SGCZ: variants seen among roughly 807,000 people sequenced by gnomAD.
SGCZ encodes the protein sarcoglycan zeta.
A neutral mutation model predicts 41.3 loss-of-function variants in SGCZ; 40 were observed. The observed-to-expected ratio is 0.97, with a 90% CI of 0.75 to 1.26. SGCZ has a LOEUF of 1.26. Among genes scored for constraint, SGCZ ranks in the 50% most tolerant of loss-of-function variants. The pLI is 0.00. For synonymous variants in SGCZ, 206 were observed against 137.5 expected (o/e 1.50, Z -3.49); for missense variants, 552 against 369.8 (o/e 1.49, Z -4.04).
chr8:14,182,916 A>G (rs923249987), intron 4 of SGCZ, among the ~76,000 whole-genome samples: 29 of 151,558 alleles, frequency 1.9e-4, no homozygotes, highest in African/African-American at 6.8e-4. Context: ...AGGCTGAGAC[A>G]GGAGAATCGC....
At chr8:14,245,723 A>T (rs185921174) in intron 3 of SGCZ, among the ~76,000 whole-genome samples, 14 of 152,246 alleles carry the variant, frequency 9.2e-5, no homozygotes, top group Admixed American at 2.6e-4. Flanking sequence ...ATCCAGAATC[A>T]ACAATGAACT....
At chr8:15,005,550 C>G (rs192288832) in intron 1 of SGCZ, among the ~76,000 whole-genome samples, 1 of 130,482 alleles carries the variant, frequency 7.7e-6, no homozygotes, top group Non-Finnish European at 1.7e-5. Context: ...AGGCTGGTCT[C>G]GAACTCCTGA....
At chr8:14,197,161 G>C (rs1402837359) in intron 4 of SGCZ, among the ~76,000 whole-genome samples, 1 of 152,042 alleles carries the variant, frequency 6.6e-6, no homozygotes, top group African/African-American at 2.4e-5. Flanking sequence ...GAAAGTGAAG[G>C]TCCGGATGGC....
chr8:14,840,157 T>G (rs2130624348), intron 1 of SGCZ, among the ~76,000 whole-genome samples: 1 of 152,240 alleles, frequency 6.6e-6, no homozygotes, highest in Non-Finnish European at 1.5e-5. Flanking sequence ...TGAATGTAAT[T>G]ATCTGCTTAA....
intron 4 of SGCZ, among the ~76,000 whole-genome samples, chr8:14,168,391 G>A (rs886187132): frequency 2.6e-5 from 4 of 152,068 alleles, no homozygotes; most frequent in Non-Finnish European, 4.4e-5. Context: ...ATATTGAATT[G>A]TAGCTCCCAC....
At chr8:14,735,197 T>C (rs1798990406) in intron 1 of SGCZ, among the ~76,000 whole-genome samples, 1 of 152,182 alleles carries the variant, frequency 6.6e-6, no homozygotes, top group African/African-American at 2.4e-5. Context: ...ATGGTCAATA[T>C]TAGGTGTCAA....
At chr8:14,639,501 G>A (rs537335294) in intron 1 of SGCZ, among the ~76,000 whole-genome samples, 5 of 151,608 alleles carry the variant, frequency 3.3e-5, no homozygotes, top group African/African-American at 7.2e-5. Flanking sequence ...TTCTTTCTTC[G>A]GAAAATCAGT....
intron 2 of SGCZ, among the ~76,000 whole-genome samples, chr8:14,497,562 G>T (rs1431940644): frequency 9.9e-6 from 1 of 100,512 alleles, no homozygotes; most frequent in Non-Finnish European, 2.7e-5. Flanking sequence ...GTGTGCGTAT[G>T]TGTGTGTGTG....
intron 1 of SGCZ, among the ~76,000 whole-genome samples, chr8:15,130,888 T>C (rs1307647005): frequency 1.3e-5 from 2 of 152,174 alleles, no homozygotes; most frequent in Admixed American, 6.5e-5. Context: ...TTTCACAATA[T>C]TCTTAACACA....
At chr8:14,759,822 C>A (rs972513111) in intron 1 of SGCZ, among the ~76,000 whole-genome samples, 12 of 152,134 alleles carry the variant, frequency 7.9e-5, no homozygotes, top group African/African-American at 2.9e-4. Flanking sequence ...TGCCTTCACA[C>A]AACTAGATCA....
chr8:15,027,099 C>T (rs1352932410), intron 1 of SGCZ, among the ~76,000 whole-genome samples: 1 of 152,132 alleles, frequency 6.6e-6, no homozygotes, highest in Non-Finnish European at 1.5e-5. Flanking sequence ...ACAAATATGG[C>T]AGCTTTCTCA....
At chr8:15,215,603 G>C (rs2117170631) in intron 1 of SGCZ, among the ~76,000 whole-genome samples, 1 of 152,252 alleles carries the variant, frequency 6.6e-6, no homozygotes, top group African/African-American at 2.4e-5. Context: ...GTTGCTGTGG[G>C]CTATTTTTAG....
intron 1 of SGCZ, among the ~76,000 whole-genome samples, chr8:15,146,651 A>G (rs979740012): frequency 6.6e-6 from 1 of 152,266 alleles, no homozygotes; most frequent in South Asian, 2.1e-4. Flanking sequence ...GAAATCTCAC[A>G]GTTGAAAGTA....
intron 2 of SGCZ, among the ~76,000 whole-genome samples, chr8:14,449,856 G>A (rs1800541489): frequency 6.6e-6 from 1 of 152,120 alleles, no homozygotes; most frequent in African/African-American, 2.4e-5. Flanking sequence ...AGATGAATTA[G>A]TATTGGATTC....
chr8:14,963,429 C>T (rs766523987), intron 1 of SGCZ, among the ~76,000 whole-genome samples: 22 of 151,892 alleles, frequency 1.4e-4, no homozygotes, highest in Non-Finnish European at 2.2e-4. Flanking sequence ...TCCTGCGCCT[C>T]CCGGGTTCAA....
intron 1 of SGCZ, among the ~76,000 whole-genome samples, chr8:14,899,330 C>A (rs73666930): frequency 0.024 from 3,638 of 152,120 alleles, 145 homozygotes; most frequent in African/African-American, 0.084. Context: ...TCCATCTGTC[C>A]AATATTTGTA....
At chr8:14,634,919 T>C (rs1227644700) in intron 1 of SGCZ, among the ~76,000 whole-genome samples, 1 of 151,916 alleles carries the variant, frequency 6.6e-6, no homozygotes, top group Non-Finnish European at 1.5e-5. Flanking sequence ...AATATATACA[T>C]AGTAACTATT....
intron 1 of SGCZ, among the ~76,000 whole-genome samples, chr8:14,787,830 C>G (rs896487203): frequency 6.6e-6 from 1 of 151,690 alleles, no homozygotes; most frequent in African/African-American, 2.4e-5. Context: ...TGGACAACAA[C>G]AGTGAAACTC....
chr8:14,639,037 TC>T (rs1217834084), intron 1 of SGCZ, among the ~76,000 whole-genome samples: 2 of 85,890 alleles, frequency 2.3e-5, no homozygotes, highest in African/African-American at 4.3e-5. Flanking sequence ...GAAACTGGAA[TC>T]TTTTTTTTTT....
Sources: allele counts gnomAD v4.1 joint callset (sites outside exome capture counted in the v4.1 genomes callset), GRCh38; gene constraint gnomAD v4.1.1; transcripts MANE v1.5; gene names NCBI Gene and HGNC (gene_info 2026-07-23, HGNC 2026-07-21).